FREM3: variants seen among roughly 807,000 people sequenced by gnomAD.
The protein encoded by FREM3 is FRAS1 related extracellular matrix 3.
FREM3 carries 105 observed loss-of-function variants against 129.1 expected under a neutral mutation model. That is an observed-to-expected ratio of 0.81 (90% CI 0.69 to 0.96). The LOEUF is 0.96. Among genes scored for constraint, FREM3 ranks in the 40% least tolerant of loss-of-function variants. The pLI, the probability that FREM3 is intolerant of heterozygous loss-of-function variation, is 0.00. For synonymous variants in FREM3, 1,014 were observed against 1,044.9 expected, an observed-to-expected ratio of 0.97 and a Z score of 0.57; for missense variants, 2,593 against 2,666.3, an observed-to-expected ratio of 0.97 and a Z score of 0.61.
rs200314721 is a variant in FREM3 at position 143,621,136 on chromosome 4, C to T, written c.5680G>A (p.Glu1894Lys). ...DESTVYIPEA[E>K]YKIEEDIGEL... ...CCAATGTCCTCTTCTATTTTGTATT[C>T]CGCCTCTGGAATATAAACTGTTGAT... The change falls in exon 5 of 8, where the codon GAA (glutamate) becomes AAA (lysine). Residue 1894 changes from glutamate (E) to lysine (K), a missense_variant. This residue lies in a region of FREM3 where 317 missense variants were observed against 399.0 expected (regional missense o/e 0.79). Transcript: ENST00000329798. 6.5e-7 allele frequency: 1 copy of T among 1,537,070 alleles called. No homozygotes were observed. Among genetic ancestry groups the T allele is most frequent in the Non-Finnish European group, 8.7e-7 (1 of 1,146,780 alleles).
rs1412710204 is a variant in FREM3 at position 143,700,269 on chromosome 4, C to G, written c.407G>C (p.Arg136Pro). The G allele has an allele frequency of 1.7e-5, 26 of 1,536,376 alleles. No individual in the cohort carries two copies. Among genetic ancestry groups the G allele is most frequent in the Non-Finnish European group, 2.3e-5 (26 of 1,146,738 alleles). ...YTHFGSHSPG[R>P]ARVLLQLRYD... is the part of the protein sequence containing the mutation. Reference sequence around the variant, plus strand: ...GCGCAGCTGCAGCAGCACCCGGGCGCGTCCGGGGCTGTGGGAGCCGAAGTG... The same window carrying G: ...GCGCAGCTGCAGCAGCACCCGGGCGGGTCCGGGGCTGTGGGAGCCGAAGTG... The change falls in exon 1 of 8, where the codon CGC (arginine) becomes CCC (proline). Residue 136 changes from arginine (R) to proline (P), a missense_variant. Physicochemically the swap from Arg to Pro is moderately radical, Grantham distance 103. This residue lies in a region of FREM3 where 2,276 missense variants were observed against 2,267.2 expected (regional missense o/e 1.00). Coordinates refer to ENST00000329798, the MANE Select transcript of FREM3 (RefSeq NM_001168235.2).
At chr4:143,662,486 C>G (rs1578857077) in intron 2 of FREM3, among the ~76,000 whole-genome samples, 1 of 150,938 alleles carries the variant, frequency 6.6e-6, no homozygotes, top group East Asian at 2.0e-4. Context: ...TTTACATTTG[C>G]TGAGGAGAGC....
chr4:143,661,275 TGA>T (rs779662137), intron 2 of FREM3, among the ~76,000 whole-genome samples: 2 of 152,230 alleles, frequency 1.3e-5, no homozygotes, highest in African/African-American at 2.4e-5. Context: ...CCTAATTTAT[TGA>T]GAGTTTTTAG....
intron 2 of FREM3, among the ~76,000 whole-genome samples, chr4:143,679,685 C>T (rs565245272): frequency 6.6e-6 from 1 of 152,298 alleles, no homozygotes; most frequent in African/African-American, 2.4e-5. Flanking sequence ...ATTGGCTTTA[C>T]AGAACCTGGG....
chr4:143,660,161 C>T lies in FREM3; in HGVS notation c.5276-32401G>A, dbSNP rs867097898. On this transcript the variant is annotated intron_variant, in intron 2 of 7. Transcript: ENST00000329798. ...TTTAGACATGAAGTCCTTGCCCATGCCTATGTCCTGAATGGTAATGCCTAG... is the reference window on the plus strand; with the variant it reads ...TTTAGACATGAAGTCCTTGCCCATGTCTATGTCCTGAATGGTAATGCCTAG... Among the ~76,000 whole-genome samples, 483 of 150,332 alleles carry T rather than the reference C, an allele frequency of 3.2e-3. 1 individual carries two copies. Among genetic ancestry groups the T allele is most frequent in the Non-Finnish European group, 5.0e-3 (341 of 67,974 alleles).
At chr4:143,681,307 T>C (rs888512801) in intron 2 of FREM3, among the ~76,000 whole-genome samples, 2 of 152,236 alleles carry the variant, frequency 1.3e-5, no homozygotes, top group African/African-American at 2.4e-5. Flanking sequence ...TTAAGTGCTA[T>C]ACAAGTTTAG....
chr4:143,595,701 C>A (rs529393146), intron 6 of FREM3, among the ~76,000 whole-genome samples: 48 of 152,144 alleles, frequency 3.2e-4, no homozygotes, highest in Middle Eastern at 3.4e-3. Flanking sequence ...TCCTGGCTAA[C>A]ACGGTGAAAC....
At chr4:143,611,577 A>G in intron 5 of FREM3, 50 bp from the exon 6 acceptor site, 1 of 1,498,942 alleles carries the variant, frequency 6.7e-7, no homozygotes, top group Non-Finnish European at 8.9e-7. Flanking sequence ...ATGGAATTCC[A>G]AACAAGAAGC....
intron 2 of FREM3, among the ~76,000 whole-genome samples, chr4:143,670,720 C>CA (rs1739950016): frequency 6.6e-6 from 1 of 151,986 alleles, no homozygotes; most frequent in South Asian, 2.1e-4. Context: ...GAGAATATTT[C>CA]AAAAAATCAT....
At chr4:143,620,139 C>T (rs1255070842) in intron 5 of FREM3, among the ~76,000 whole-genome samples, 1 of 152,154 alleles carries the variant, frequency 6.6e-6, no homozygotes, top group African/African-American at 2.4e-5. Context: ...AATTTCTGCT[C>T]CCACTTCTAA....
chr4:143,699,200 A>G lies in FREM3; in HGVS notation c.1476T>C (p.Tyr492=). ...VVFGAPAGCK[Y]FTPADLAAGR... ...CTGCTGCCAGGTCCGCTGGTGTGAA[A>G]TACTTGCACCCAGCAGGTGCCCCAA... The change falls in exon 1 of 8, where the codon TAT becomes TAC. Residue 492 remains tyrosine (Y), a synonymous_variant. Transcript: ENST00000329798. This position sits in a 1 kb window ranked among gnomAD's most constrained non-coding sequence, Gnocchi z 4.2. 6.5e-7 allele frequency: 1 copy of G among 1,537,308 alleles called. No individual in the cohort carries two copies. Among genetic ancestry groups the G allele is most frequent in the Non-Finnish European group, 8.7e-7 (1 of 1,146,932 alleles).
intron 2 of FREM3, among the ~76,000 whole-genome samples, chr4:143,658,643 C>A (rs918952333): frequency 2.0e-5 from 3 of 152,172 alleles, no homozygotes; most frequent in African/African-American, 7.2e-5. Flanking sequence ...GGGCGGCATG[C>A]GGCCCAGGAT....
chr4:143,645,180 G>A (rs1334248854), intron 2 of FREM3: 1 of 152,126 alleles, frequency 6.6e-6, no homozygotes, highest in Non-Finnish European at 1.5e-5. Context: ...GAAAGCCTAG[G>A]GGTTTTGCTA....
chr4:143,592,886 T>C (rs1023130259), intron 6 of FREM3, among the ~76,000 whole-genome samples: 4 of 152,234 alleles, frequency 2.6e-5, no homozygotes, highest in Admixed American at 6.5e-5. Context: ...CAGTCAGACG[T>C]AGATTTGGTC....
rs527260927 is a variant in FREM3 at position 143,585,827 on chromosome 4, T to A, written c.6178+17A>T. On this transcript the variant is annotated intron_variant, in intron 7 of 7. Coordinates refer to ENST00000329798, the MANE Select transcript of FREM3 (RefSeq NM_001168235.2). The surrounding 1 kb of genome is among the most constrained non-coding windows in gnomAD (Gnocchi z 4.2). ...ATGTATCATGATAATGATATATTCT[T>A]TAAGTGGCCCTCTCACCTTCTGCTG... is the stretch of plus-strand genomic sequence containing the variant. The A allele has an allele frequency of 6.5e-7, 1 of 1,536,808 alleles. No individual in the cohort carries two copies. Among genetic ancestry groups the A allele is most frequent in the South Asian group, 1.2e-5 (1 of 84,010 alleles).
intron 6 of FREM3, among the ~76,000 whole-genome samples, chr4:143,589,429 G>T (rs1262361981): frequency 1.3e-5 from 2 of 152,120 alleles, no homozygotes; most frequent in Non-Finnish European, 2.9e-5. Context: ...AAGGTGTAAG[G>T]AAGGGATCCA....
rs1487411624 is a variant in FREM3 at position 143,698,816 on chromosome 4, T to A, written c.1860A>T (p.Leu620=). 6.5e-7 allele frequency: 1 copy of A among 1,537,498 alleles called. No homozygotes were observed. Among genetic ancestry groups the A allele is most frequent in the Admixed American group, 2.0e-5 (1 of 50,968 alleles). ...AGTCTTCATCTTCAGTTGAGAGAGG[T>A]AGTTCAGCCTGCTGCAGCAACAGGT... The part of the protein sequence containing the change: ...LGDLLLQQAE[L]PLSTEDEDWH... Residue 620 remains leucine, a synonymous_variant, in exon 1 of 8, where the codon CTA becomes CTT. Coordinates refer to ENST00000329798, the MANE Select transcript of FREM3 (RefSeq NM_001168235.2).
chr4:143,638,637 T>G (rs904746870), intron 2 of FREM3, among the ~76,000 whole-genome samples: 4 of 152,170 alleles, frequency 2.6e-5, no homozygotes, highest in Admixed American at 6.5e-5. Context: ...TCTATTTTCT[T>G]GTCCTTCCCC....
chr4:143,671,700 C>T (rs1454437859), intron 2 of FREM3, among the ~76,000 whole-genome samples: 1 of 152,124 alleles, frequency 6.6e-6, no homozygotes, highest in Non-Finnish European at 1.5e-5. Context: ...ATCTGGAAAT[C>T]ATCCCACTTT....
Sources: allele counts gnomAD v4.1 joint callset (sites outside exome capture counted in the v4.1 genomes callset), GRCh38; gene constraint gnomAD v4.1.1; regional missense constraint gnomAD v4.1.1; non-coding constraint Gnocchi (gnomAD v3.1); transcripts MANE v1.5; gene names NCBI Gene and HGNC (gene_info 2026-07-23, HGNC 2026-07-21).